SLC35H1: variants seen among roughly 807,000 people sequenced by gnomAD.
SLC35H1 encodes ovarian cancer-overexpressed gene 1 protein.
chr20:46,350,370 T>G, the SLC35H1 span: 1 of 1,589,248 alleles, frequency 6.3e-7, no homozygotes, highest in Non-Finnish European at 8.6e-7. Flanking sequence ...AGTGGCCTGC[T>G]TCTAAGCCAT....
chr20:46,361,503 A>G, the SLC35H1 span, among the ~76,000 whole-genome samples: 3 of 152,142 alleles, frequency 2.0e-5, no homozygotes, highest in African/African-American at 7.2e-5. Flanking sequence ...GGCCTCAAAC[A>G]TACGTCTACA....
the SLC35H1 span, chr20:46,354,819 C>G: frequency 1.4e-6 from 2 of 1,420,988 alleles, no homozygotes; most frequent in South Asian, 2.5e-5. Flanking sequence ...CTGTGTTGGG[C>G]TCAGGGCGAG....
At chr20:46,355,239 G>A in the SLC35H1 span, 30 of 1,612,650 alleles carry the variant, frequency 1.9e-5, no homozygotes, top group Middle Eastern at 1.6e-4. The surrounding 1 kb of genome is among the most constrained non-coding windows in gnomAD (Gnocchi z 4.8). Context: ...CCAGTGCCGC[G>A]CGCTGGTAGG....
At chr20:46,361,251 T>G in the SLC35H1 span, among the ~76,000 whole-genome samples, 2 of 152,228 alleles carry the variant, frequency 1.3e-5, no homozygotes, top group Non-Finnish European at 2.9e-5. Flanking sequence ...CTCTCCTAGT[T>G]GCTCAGGCCA....
the SLC35H1 span, among the ~76,000 whole-genome samples, chr20:46,359,860 T>C: frequency 3.3e-5 from 5 of 152,282 alleles, no homozygotes; most frequent in African/African-American, 1.2e-4. Flanking sequence ...ACATTCTCCA[T>C]CTCCCACCCC....
chr20:46,358,618 T>C, the SLC35H1 span: 1 of 1,574,966 alleles, frequency 6.3e-7, no homozygotes, highest in Non-Finnish European at 8.6e-7. Flanking sequence ...ACCAAGAACG[T>C]CTCCAGGCTG....
the SLC35H1 span, chr20:46,346,087 A>G: frequency 6.6e-6 from 1 of 152,176 alleles, no homozygotes; most frequent in Non-Finnish European, 1.5e-5. Context: ...ATGCATTTGA[A>G]TGCATTTTCC....
chr20:46,350,502 C>G, the SLC35H1 span: 1 of 1,609,154 alleles, frequency 6.2e-7, no homozygotes, highest in Non-Finnish European at 8.5e-7. Flanking sequence ...CCAGCCCCTT[C>G]AAGGCCTTGG....
chr20:46,347,014 C>T, the SLC35H1 span: 4 of 152,270 alleles, frequency 2.6e-5, no homozygotes, highest in East Asian at 1.9e-4. Flanking sequence ...AGTTATGTGA[C>T]GTCCTTCCTG....
At chr20:46,350,289 G>T in the SLC35H1 span, 1 of 1,417,308 alleles carries the variant, frequency 7.1e-7, no homozygotes, top group Non-Finnish European at 9.5e-7. Flanking sequence ...GGTGACTCCC[G>T]TCCACAGCTC....
the SLC35H1 span, chr20:46,358,513 C>T: frequency 2.9e-5 from 47 of 1,614,086 alleles, no homozygotes; most frequent in South Asian, 8.8e-5. Flanking sequence ...CCATTCGTGG[C>T]GGCTGCAGCA....
At chr20:46,361,959 C>A in the SLC35H1 span, among the ~76,000 whole-genome samples, 1,952 of 152,308 alleles carry the variant, frequency 0.013, 30 homozygotes, top group African/African-American at 0.045. Context: ...CACCGCAACA[C>A]CCTCCCTCCA....
the SLC35H1 span, chr20:46,355,763 G>T: frequency 2.5e-6 from 4 of 1,613,472 alleles, no homozygotes; most frequent in Non-Finnish European, 3.4e-6. The surrounding 1 kb of genome is among the most constrained non-coding windows in gnomAD (Gnocchi z 4.8). Flanking sequence ...CTTAGCATCT[G>T]TGGGGGCAGG....
At chr20:46,357,718 A>G in the SLC35H1 span, 1 of 1,614,060 alleles carries the variant, frequency 6.2e-7, no homozygotes, top group Non-Finnish European at 8.5e-7. Context: ...CAGGGCGGAG[A>G]AGAGGAAGAT....
chr20:46,362,092 T>G, the SLC35H1 span, among the ~76,000 whole-genome samples: 1 of 152,236 alleles, frequency 6.6e-6, no homozygotes, highest in East Asian at 1.9e-4. Context: ...TTATTGGGAT[T>G]CAGAAGGTCA....
chr20:46,357,474 TG>T, the SLC35H1 span: 1 of 941,182 alleles, frequency 1.1e-6, no homozygotes, highest in South Asian at 1.7e-5. Flanking sequence ...GCGTGGGTGG[TG>T]GGAGGCCAGG....
chr20:46,353,801 G>A, the SLC35H1 span, among the ~76,000 whole-genome samples: 1 of 152,040 alleles, frequency 6.6e-6, no homozygotes, highest in Non-Finnish European at 1.5e-5. Flanking sequence ...AGGGGAGGGA[G>A]AGTGTGGCGT....
At chr20:46,354,792 A>T in the SLC35H1 span, 1 of 1,196,350 alleles carries the variant, frequency 8.4e-7, no homozygotes, top group Non-Finnish European at 1.2e-6. Context: ...TGATCTCAAT[A>T]ATCTCTGCAG....
At chr20:46,357,056 C>T in the SLC35H1 span, among the ~76,000 whole-genome samples, 2 of 152,336 alleles carry the variant, frequency 1.3e-5, no homozygotes, top group Admixed American at 6.5e-5. Context: ...TGGCCAGCAC[C>T]GGGTTCTCAG....
Sources: allele counts gnomAD v4.1 joint callset (sites outside exome capture counted in the v4.1 genomes callset), GRCh38; gene constraint gnomAD v4.1.1; non-coding constraint Gnocchi (gnomAD v3.1); transcripts MANE v1.5; gene names NCBI Gene and HGNC (gene_info 2026-07-23, HGNC 2026-07-21).